The following PLCG2 variants were observed in gnomAD, a reference collection of about 807,000 sequenced individuals.
The protein encoded by PLCG2 is 1-phosphatidylinositol 4,5-bisphosphate phosphodiesterase gamma-2.
In PLCG2, 69 loss-of-function variants were observed where a neutral mutation model predicts 175.6. That is an observed-to-expected ratio of 0.39 (90% CI 0.32 to 0.48). PLCG2 has a LOEUF of 0.48. Among genes scored for constraint, PLCG2 ranks in the 20% least tolerant of loss-of-function variants. The pLI, the probability that PLCG2 is intolerant of heterozygous loss-of-function variation, is 0.91. For missense variants in PLCG2, 1,798 were observed against 1,650.9 expected (o/e 1.09, Z -1.54); for synonymous variants, 827 against 624.0 (o/e 1.33, Z -4.85).
chr16:81,855,331 A>C lies in PLCG2; in HGVS notation c.337+744A>C, dbSNP rs566791995. Among the ~76,000 whole-genome samples the C allele has an allele frequency of 5.3e-5, 8 of 152,282 alleles. No homozygotes were observed. In the South Asian group the frequency reaches 1.7e-3, roughly 32 times the overall value. ...CACACACATGCACTTTCCTCACTTT[A>C]CTCAGGGGCAGAAGCTTGTATCTAC... On this transcript the variant is annotated intron_variant, in intron 3 of 32. Coordinates refer to ENST00000564138, the MANE Select transcript of PLCG2 (RefSeq NM_002661.5).
upstream of PLCG2, among the ~76,000 whole-genome samples, chr16:81,778,815 T>TTTTA (rs5818351): frequency 0.56 from 84,259 of 151,128 alleles, 23,864 homozygotes; most frequent in South Asian, 0.75. Flanking sequence ...TATTTTTAAT[T>TTTTA]TTTATTTATT....
At chr16:81,951,842 GAAATA>G (rs1456298961) in intron 31 of PLCG2, among the ~76,000 whole-genome samples, 2 of 152,166 alleles carry the variant, frequency 1.3e-5, no homozygotes, top group Admixed American at 6.5e-5. Context: ...ACAGCCAAAT[GAAATA>G]ATCAGTATAA....
chr16:81,853,159 C>T (rs1402956011), intron 2 of PLCG2, among the ~76,000 whole-genome samples: 2 of 152,052 alleles, frequency 1.3e-5, no homozygotes, highest in Admixed American at 6.6e-5. Context: ...GATGAAACCC[C>T]ATCTCTACTA....
intron 2 of PLCG2, among the ~76,000 whole-genome samples, chr16:81,820,725 A>G (rs954971816): frequency 1.3e-5 from 2 of 152,124 alleles, no homozygotes; most frequent in African/African-American, 4.8e-5. Context: ...GGTTCAAGCA[A>G]TCCTCCCACC....
At chr16:81,914,111 C>A (rs112690808) in intron 19 of PLCG2, among the ~76,000 whole-genome samples, 1 of 152,192 alleles carries the variant, frequency 6.6e-6, no homozygotes, top group African/African-American at 2.4e-5. Flanking sequence ...CCGCTGCACA[C>A]GGATTGAAAA....
At chr16:81,768,488 G>C (rs930622872) in intron 2 of PLCG2, among the ~76,000 whole-genome samples, 1 of 151,154 alleles carries the variant, frequency 6.6e-6, no homozygotes, top group African/African-American at 2.4e-5. Context: ...TTCCAACGAG[G>C]CTGCACTGTT....
intron 2 of PLCG2, among the ~76,000 whole-genome samples, chr16:81,826,326 A>G (rs1321868557): frequency 6.6e-6 from 1 of 152,114 alleles, no homozygotes; most frequent in Non-Finnish European, 1.5e-5. Context: ...AACCGAGAAA[A>G]GCATCAAGTA....
At chr16:81,924,636 C>G (rs1230251275) in intron 22 of PLCG2, among the ~76,000 whole-genome samples, 1 of 152,230 alleles carries the variant, frequency 6.6e-6, no homozygotes, top group African/African-American at 2.4e-5. Flanking sequence ...TTGCAAGATG[C>G]CTTAATCCAG....
chr16:81,847,783 G>A (rs1425297360), intron 2 of PLCG2, among the ~76,000 whole-genome samples: 2 of 152,146 alleles, frequency 1.3e-5, no homozygotes, highest in Admixed American at 6.5e-5. Context: ...GGTATTAAAA[G>A]TAATCTAGGG....
At chr16:81,821,155 G>A (rs937920045) in intron 2 of PLCG2, among the ~76,000 whole-genome samples, 3 of 152,264 alleles carry the variant, frequency 2.0e-5, no homozygotes, top group Non-Finnish European at 2.9e-5. Context: ...GCCTCCCAAA[G>A]TGCTGGGATT....
chr16:81,769,699 A>G (rs1030474256), intron 2 of PLCG2, among the ~76,000 whole-genome samples: 4 of 150,882 alleles, frequency 2.7e-5, no homozygotes, highest in Non-Finnish European at 5.9e-5. Flanking sequence ...GGGCGCCTGT[A>G]GTCCCAGCTA....
At chr16:81,843,761 T>G (rs1385881711) in intron 2 of PLCG2, among the ~76,000 whole-genome samples, 1 of 152,182 alleles carries the variant, frequency 6.6e-6, no homozygotes, top group Non-Finnish European at 1.5e-5. Flanking sequence ...AAAGATTCAT[T>G]TAAATTGGAC....
At chr16:81,786,963 T>C (rs944017709) in intron 2 of PLCG2, among the ~76,000 whole-genome samples, 9 of 152,238 alleles carry the variant, frequency 5.9e-5, no homozygotes, top group African/African-American at 2.2e-4. Flanking sequence ...AGTCTATGCT[T>C]GCATAATGTG....
intron 2 of PLCG2, among the ~76,000 whole-genome samples, chr16:81,850,805 T>A (rs1218494493): frequency 6.6e-6 from 1 of 152,122 alleles, no homozygotes; most frequent in African/African-American, 2.4e-5. Context: ...AGGCATGATG[T>A]TTAGTATTAT....
intron 2 of PLCG2, among the ~76,000 whole-genome samples, chr16:81,791,588 A>C (rs1264215800): frequency 6.6e-6 from 1 of 152,124 alleles, no homozygotes; most frequent in Non-Finnish European, 1.5e-5. Flanking sequence ...TTTGTTTTTC[A>C]GACGGAATCT....
At chr16:81,773,645 C>T (rs1276877542) in intron 2 of PLCG2, among the ~76,000 whole-genome samples, 1 of 152,132 alleles carries the variant, frequency 6.6e-6, no homozygotes, top group Non-Finnish European at 1.5e-5. Flanking sequence ...ACAGGGTCCG[C>T]ATGTTGAGAG....
At chr16:81,770,769 C>A (rs952283885) in intron 2 of PLCG2, among the ~76,000 whole-genome samples, 40 of 151,930 alleles carry the variant, frequency 2.6e-4, no homozygotes, top group African/African-American at 8.9e-4. Flanking sequence ...ATAAAATGGC[C>A]CAGATCAGGC....
chr16:81,906,586 GCTAATTTTT>G (rs1909378792), intron 15 of PLCG2, among the ~76,000 whole-genome samples: 1 of 152,130 alleles, frequency 6.6e-6, no homozygotes, highest in Non-Finnish European at 1.5e-5. Context: ...ACCATGCCCT[GCTAATTTTT>G]GTAGCCTTAG....
At chr16:81,942,572 C>G (rs16956040) in intron 30 of PLCG2, among the ~76,000 whole-genome samples, 2 of 152,010 alleles carry the variant, frequency 1.3e-5, no homozygotes. Flanking sequence ...CCAGTTGGAG[C>G]GCAGGAAGGA....
Sources: gnomAD v4.1 joint callset for allele counts (sites outside exome capture counted in the v4.1 genomes callset) on GRCh38, gnomAD v4.1.1 for gene constraint, MANE v1.5 for transcripts, NCBI Gene and HGNC (gene_info 2026-07-23, HGNC 2026-07-21) for gene names.